Variants in CFAP92 observed in about 807,000 individuals in gnomAD.
CFAP92 encodes the protein uncharacterized protein CFAP92.
In CFAP92, 86 loss-of-function variants were observed where a neutral mutation model predicts 106.3. The ratio of observed to expected loss-of-function variants is 0.81; its 90% CI spans 0.68 to 0.97. The LOEUF (loss-of-function observed/expected upper bound fraction) is 0.97, where lower values mean the gene tolerates loss of function less well. Ranked by LOEUF, CFAP92 falls within the 50% of genes least tolerant of loss-of-function variation. The pLI is 0.00. For synonymous variants in CFAP92, 477 were observed against 506.4 expected (o/e 0.94, Z 0.78); for missense variants, 1,204 against 1,283.8 (o/e 0.94, Z 0.95).
chr3:128,912,081 T>C (rs1217274718), intron 15 of CFAP92, among the ~76,000 whole-genome samples: 2 of 152,210 alleles, frequency 1.3e-5, no homozygotes, highest in African/African-American at 4.8e-5. Flanking sequence ...GTGATGGGTG[T>C]AGGCGCCAGC....
chr3:129,009,833 T>C, the CFAP92 span, among the ~76,000 whole-genome samples: 1 of 152,210 alleles, frequency 6.6e-6, no homozygotes, highest in South Asian at 2.1e-4. Context: ...CAGCTTTTCC[T>C]GGATGCTGGG....
chr3:128,916,230 C>T lies in CFAP92; in HGVS notation c.2793G>A (p.Pro931=), dbSNP rs147348071. Residue 931 remains proline, a synonymous_variant, in exon 13 of 16, where the codon CCG becomes CCA. Transcript: ENST00000645291. ...TTTTAATCACCTTCGCCACGGACTTCGGAGGCTTCTTGCTGACCTGGTAGG... is the reference window on the plus strand; with the variant it reads ...TTTTAATCACCTTCGCCACGGACTTTGGAGGCTTCTTGCTGACCTGGTAGG... ...TEAYQVSKKP[P]KSVAKVIKIS... is the part of the protein sequence containing the mutation. The T allele has an allele frequency of 3.2e-4, 391 of 1,232,064 alleles. 2 individuals carry two copies. The African/African-American group carries it at 5.3e-3, about 17-fold the overall frequency. The allele number at this position is 1,232,064 out of a possible 1,614,324, so 76.3% of individuals were successfully genotyped here. A position where few individuals can be genotyped will look rare whatever the true frequency, so the allele number is the denominator to read the frequency against.
chr3:128,975,881 T>C lies in CFAP92; in HGVS notation c.919A>G (p.Thr307Ala), dbSNP rs753637252. ...ATGCTTGCTCCTGCCAAAGAAATGG[T>C]TGGTGTTCTTGAAACACTCCATCTA... Reference protein sequence around the residue: ...TIQWSVSRTPTISLAGASMME... With the variant: ...TIQWSVSRTPAISLAGASMME... Residue 307 changes from threonine (T) to alanine (A), a missense_variant, in exon 7 of 16, where the codon ACC (threonine) becomes GCC (alanine). Thr to Ala is a moderately conservative substitution (Grantham distance 58). Transcript: ENST00000645291. 8.6e-5 allele frequency: 139 copies of C among 1,607,718 alleles called. No homozygotes were observed. Among genetic ancestry groups the C allele is most frequent in the Middle Eastern group, 3.3e-4 (2 of 6,072 alleles).
intron 15 of CFAP92, chr3:128,913,129 T>C: frequency 2.3e-6 from 1 of 439,980 alleles, no homozygotes; most frequent in Non-Finnish European, 4.6e-6. Context: ...TTGCTGTACT[T>C]GTCACACTGT....
chr3:128,952,196 T>G (rs1394683433), intron 9 of CFAP92, among the ~76,000 whole-genome samples: 2 of 150,324 alleles, frequency 1.3e-5, no homozygotes, highest in African/African-American at 4.9e-5. Context: ...AGTGGTGCAA[T>G]CATAGCTCAC....
intron 15 of CFAP92, among the ~76,000 whole-genome samples, chr3:128,913,867 A>T (rs543893200): frequency 6.6e-6 from 1 of 152,270 alleles, no homozygotes; most frequent in East Asian, 1.9e-4. Context: ...AAGGCTGCTT[A>T]GAGTTTCTTT....
intron 12 of CFAP92, among the ~76,000 whole-genome samples, chr3:128,921,251 G>A (rs893023607): frequency 1.3e-5 from 2 of 152,206 alleles, no homozygotes; most frequent in African/African-American, 2.4e-5. Flanking sequence ...ACTAGAGTGT[G>A]TGAAAGAGGA....
chr3:128,951,859 T>G (rs1940840841), intron 9 of CFAP92, among the ~76,000 whole-genome samples: 1 of 152,118 alleles, frequency 6.6e-6, no homozygotes, highest in Non-Finnish European at 1.5e-5. Flanking sequence ...CTCACTGGGG[T>G]AGTGTCAGAA....
chr3:128,964,297 C>T (rs948410696), intron 9 of CFAP92, among the ~76,000 whole-genome samples: 2 of 152,232 alleles, frequency 1.3e-5, no homozygotes, highest in Non-Finnish European at 2.9e-5. Context: ...CTACAAGGTA[C>T]AGCCCATTTA....
the CFAP92 span, among the ~76,000 whole-genome samples, chr3:129,020,118 T>C: frequency 5.9e-5 from 9 of 152,158 alleles, no homozygotes; most frequent in African/African-American, 2.2e-4. Context: ...TATTGGACGA[T>C]GCAGGCCAGA....
chr3:128,980,102 G>C (rs1198807180), intron 4 of CFAP92, among the ~76,000 whole-genome samples: 1 of 151,834 alleles, frequency 6.6e-6, no homozygotes, highest in Non-Finnish European at 1.5e-5. Context: ...TGGGCACAGT[G>C]GCTCATGCCT....
chr3:128,914,907 A>G (rs565019717), intron 15 of CFAP92: 6 of 566,206 alleles, frequency 1.1e-5, no homozygotes, highest in African/African-American at 9.4e-5. Flanking sequence ...AAGTCACACA[A>G]ATGTCACACT....
chr3:128,986,240 C>CTTTTT (rs144649397), intron 4 of CFAP92, among the ~76,000 whole-genome samples: 1 of 139,080 alleles, frequency 7.2e-6, no homozygotes, highest in Non-Finnish European at 1.6e-5. Context: ...ATCTGTTTTA[C>CTTTTT]TTTTTTTTTT....
the CFAP92 span, among the ~76,000 whole-genome samples, chr3:129,013,850 T>C: frequency 6.6e-6 from 1 of 152,142 alleles, no homozygotes; most frequent in Non-Finnish European, 1.5e-5. Context: ...GGGCTACTTG[T>C]GGGCAATGAT....
At position 128,976,989 on chromosome 3, in the gene CFAP92, A is replaced by G. The variant is rs371422420; in HGVS notation, c.886T>C (p.Ser296Pro). 4.6e-5 allele frequency: 74 copies of G among 1,613,704 alleles called. 1 individual carries two copies. In the African/African-American group the frequency reaches 9.3e-4, roughly 20 times the overall value. The change falls in exon 6 of 16, where the codon TCC (serine) becomes CCC (proline). Residue 296 changes from serine to proline, a missense_variant. Physicochemically the swap from Ser to Pro is moderately conservative, Grantham distance 74 (BLOSUM62 -1). Transcript: ENST00000645291. Reference sequence around the variant, plus strand: ...TCGTTCAATCCTTACTGAATCGTGGAAGAATCGTCCATTTTGAGGGACTTC... The same window carrying G: ...TCGTTCAATCCTTACTGAATCGTGGGAGAATCGTCCATTTTGAGGGACTTC... Reference protein sequence around the residue: ...YEKSLKMDDSSTIQWSVSRTP... With the variant: ...YEKSLKMDDSPTIQWSVSRTP...
chr3:129,020,198 C>T, the CFAP92 span, among the ~76,000 whole-genome samples: 2 of 152,040 alleles, frequency 1.3e-5, no homozygotes, highest in Non-Finnish European at 2.9e-5. Context: ...AAATGAGAAA[C>T]AGAAAAGGAA....
At chr3:128,931,487 A>ATGTATG (rs1243903957) in intron 12 of CFAP92, among the ~76,000 whole-genome samples, 1 of 142,978 alleles carries the variant, frequency 7.0e-6, no homozygotes, top group Admixed American at 7.2e-5. Context: ...ATATATATGT[A>ATGTATG]TGTATGTATA....
In CFAP92 at chr3:128,910,234, G is replaced by A; in HGVS notation, c.*65C>T. 1 of 1,592,648 alleles carries A rather than the reference G, an allele frequency of 6.3e-7. No homozygotes were observed. The highest frequency in any genetic ancestry group is 8.5e-7 in the Non-Finnish European group (1 of 1,171,886). On this transcript the variant is annotated 3_prime_UTR_variant, in exon 16 of 16. Transcript: ENST00000645291. ...AATGAAGTTGATTGTTGAGGAGGGTGTGGTCGGGTGTGGGGGAGGCTGTGC... is the reference window on the plus strand; with the variant it reads ...AATGAAGTTGATTGTTGAGGAGGGTATGGTCGGGTGTGGGGGAGGCTGTGC...
At chr3:128,943,408 T>C (rs1939859770) in intron 10 of CFAP92, among the ~76,000 whole-genome samples, 1 of 152,150 alleles carries the variant, frequency 6.6e-6, no homozygotes, top group South Asian at 2.1e-4. Flanking sequence ...GGCCTACCTA[T>C]CTCTATGGAT....
Sources: allele counts gnomAD v4.1 joint callset (sites outside exome capture counted in the v4.1 genomes callset), GRCh38; gene constraint gnomAD v4.1.1; transcripts MANE v1.5; gene names NCBI Gene and HGNC (gene_info 2026-07-23, HGNC 2026-07-21).